ADGRF1: variants seen among roughly 807,000 people sequenced by gnomAD.
ADGRF1 encodes the protein G protein-coupled receptor 110.
Under a neutral mutation model 87.2 loss-of-function variants are expected in ADGRF1, and 85 were observed. The ratio of observed to expected loss-of-function variants is 0.97; its 90% confidence interval spans 0.82 to 1.17. The LOEUF (loss-of-function observed/expected upper bound fraction) is 1.17, where lower values mean the gene tolerates loss of function less well. Ranked by LOEUF, ADGRF1 falls within the 50% of genes most tolerant of loss-of-function variation. The pLI, the probability that ADGRF1 is intolerant of heterozygous loss-of-function variation, is 0.00. For missense variants in ADGRF1, 1,169 were observed against 1,077.2 expected (o/e 1.09, Z -1.19); for synonymous variants, 430 against 408.8 (o/e 1.05, Z -0.63).
Position 47,029,027 on chromosome 6 carries a change from A to G in ADGRF1, c.35T>C (p.Phe12Ser). Residue 12 changes from phenylalanine (F) to serine (S), a missense_variant, in exon 2 of 15, where the codon TTC (phenylalanine) becomes TCC (serine). Phe to Ser is a radical substitution (Grantham distance 155). Coordinates refer to ENST00000371253, the MANE Select transcript of ADGRF1 (RefSeq NM_153840.4). The part of the protein sequence containing the change: ...KVGVLWLISF[F>S]TFTDGHGGFL... Reference sequence around the variant, plus strand: ...GCCACCGTGGCCGTCAGTGAAGGTGAAGAAAGAAATGAGCCACAGCACTCC... The same window carrying G: ...GCCACCGTGGCCGTCAGTGAAGGTGGAGAAAGAAATGAGCCACAGCACTCC... 2 of 1,614,172 alleles carry G rather than the reference A, an allele frequency of 1.2e-6. No individual in the cohort carries two copies. The highest frequency in any genetic ancestry group is 2.2e-5 in the East Asian group (1 of 44,884).
intron 13 of ADGRF1, among the ~76,000 whole-genome samples, chr6:47,002,943 T>G (rs1002528248): frequency 5.3e-5 from 8 of 152,144 alleles, no homozygotes; most frequent in Non-Finnish European, 1.0e-4. Context: ...GATCCCTACT[T>G]TACTCCTCCT....
At chr6:47,030,305 T>A (rs892500827) in intron 1 of ADGRF1, among the ~76,000 whole-genome samples, 33 of 152,186 alleles carry the variant, frequency 2.2e-4, no homozygotes, top group Non-Finnish European at 3.8e-4. Context: ...ATTTACCTTT[T>A]CCTTTCGGAT....
intron 5 of ADGRF1, among the ~76,000 whole-genome samples, chr6:47,023,125 A>T (rs1780116766): frequency 6.6e-6 from 1 of 152,210 alleles, no homozygotes; most frequent in South Asian, 2.1e-4. Flanking sequence ...TTCAAAACAT[A>T]GGCTTTCATC....
At chr6:47,004,100 G>A (rs1314997872) in intron 13 of ADGRF1, among the ~76,000 whole-genome samples, 1 of 151,982 alleles carries the variant, frequency 6.6e-6, no homozygotes, top group African/African-American at 2.4e-5. Flanking sequence ...ATATGAACTT[G>A]TCACATCCTG....
chr6:47,037,883 C>T (rs143069787), intron 1 of ADGRF1, among the ~76,000 whole-genome samples: 12 of 152,210 alleles, frequency 7.9e-5, no homozygotes, highest in East Asian at 1.9e-4. Flanking sequence ...TGTTTTGAGA[C>T]GGAGTCACGC....
chr6:47,037,025 C>A (rs1009759001), intron 1 of ADGRF1, among the ~76,000 whole-genome samples: 1 of 152,178 alleles, frequency 6.6e-6, no homozygotes, highest in Non-Finnish European at 1.5e-5. Flanking sequence ...AAGGAAAGTG[C>A]TGCTTCAAAA....
At position 47,009,130 on chromosome 6, in the gene ADGRF1, G is replaced by A. The variant is rs1459731704; in HGVS notation, c.2305C>T (p.Leu769Phe). 1.2e-6 allele frequency: 2 copies of A among 1,614,148 alleles called. No homozygotes were observed. The highest frequency in any genetic ancestry group is 1.1e-5 in the South Asian group (1 of 91,080). Residue 769 changes from leucine to phenylalanine, a missense_variant, in exon 11 of 15, where the codon CTC becomes TTC. Transcript: ENST00000371253. ...CTTTCCCCAACAGTCGGCCTCCAGAGCTTTGTGAGAACTAGCAGCACCACA... is the reference window on the plus strand; with the variant it reads ...CTTTCCCCAACAGTCGGCCTCCAGAACTTTGTGAGAACTAGCAGCACCACA... ...FVVVLLVLTK[L>F]WRPTVGERLS... is the part of the protein sequence containing the mutation.
Position 47,012,044 on chromosome 6 carries a change from A to G in ADGRF1, c.1079T>C (p.Leu360Pro), listed in dbSNP as rs1779723175. 6.2e-7 allele frequency: 1 copy of G among 1,613,930 alleles called. No homozygotes were observed. Among genetic ancestry groups the G allele is most frequent in the Admixed American group, 1.7e-5 (1 of 59,996 alleles). ...SILSNISSLS[L>P]ASHFRVSNST... is the part of the protein sequence containing the mutation. ...ATTGGACACCCTGAAATGGCTGGCC[A>G]GTGACAGAGATGAAATATTGCTCAG... is the stretch of plus-strand genomic sequence containing the variant. Residue 360 changes from leucine to proline, a missense_variant, in exon 10 of 15, where the codon CTG becomes CCG. Transcript: ENST00000371253.
Position 47,009,874 on chromosome 6 carries a change from A to T in ADGRF1, c.1561T>A (p.Phe521Ile), listed in dbSNP as rs1353871516. Residue 521 changes from phenylalanine to isoleucine, a missense_variant, in exon 11 of 15, where the codon TTT (phenylalanine) becomes ATT (isoleucine). Transcript: ENST00000371253. The part of the protein sequence containing the change: ...QNYSINEVFL[F>I]FSKIESNLSQ... ...AGGTTTGACTCTATCTTGGAAAAAAATAGGAAAACTTCATTTATGGAATAG... is the reference window on the plus strand; with the variant it reads ...AGGTTTGACTCTATCTTGGAAAAAATTAGGAAAACTTCATTTATGGAATAG... The T allele has an allele frequency of 6.2e-7, 1 of 1,614,048 alleles. No individual in the cohort carries two copies.
At chr6:47,006,905 T>A (rs1366963204) in intron 12 of ADGRF1, among the ~76,000 whole-genome samples, 1 of 152,178 alleles carries the variant, frequency 6.6e-6, no homozygotes. Context: ...AATAAATGGG[T>A]AGAATAATTG....
rs1780214935 is a variant in ADGRF1 at position 47,025,872 on chromosome 6, T to C, written c.259A>G (p.Arg87Gly). 4 of 1,604,502 alleles carry C rather than the reference T, an allele frequency of 2.5e-6. No individual in the cohort carries two copies. The South Asian group carries it at 4.5e-5, about 18-fold the overall frequency. The change falls in exon 4 of 15, where the codon AGA becomes GGA. Residue 87 changes from arginine (R) to glycine (G), a missense_variant. Arg to Gly is a moderately radical substitution (Grantham distance 125). Transcript: ENST00000371253. The part of the protein sequence containing the change: ...LWSHGLIRII[R>G]AKATTDCNSL... ...ACCTTACCTGTGGTAGCCTTTGCTC[T>C]GATAATTCTAATTAGCCCATGTGAC... is the stretch of plus-strand genomic sequence containing the variant.
chr6:47,031,752 T>A (rs1444929923), intron 1 of ADGRF1, among the ~76,000 whole-genome samples: 1 of 152,124 alleles, frequency 6.6e-6, no homozygotes, highest in Non-Finnish European at 1.5e-5. Flanking sequence ...TCGAGACATG[T>A]TCTTGCTCTG....
At chr6:47,016,337 T>C (rs1411212399) in intron 8 of ADGRF1, among the ~76,000 whole-genome samples, 2 of 152,186 alleles carry the variant, frequency 1.3e-5, no homozygotes, top group African/African-American at 2.4e-5. Context: ...CAGTCAACTA[T>C]TGCTGAGCCC....
chr6:47,007,247 A>G lies in ADGRF1; in HGVS notation c.2532+6T>C. 1 of 1,546,880 alleles carries G rather than the reference A, an allele frequency of 6.5e-7. No individual in the cohort carries two copies. The highest frequency in any genetic ancestry group is 8.9e-7 in the Non-Finnish European group (1 of 1,122,372). On this transcript the variant is annotated splice_donor_region_variant and intron_variant, in intron 12 of 14. Coordinates refer to ENST00000371253, the MANE Select transcript of ADGRF1 (RefSeq NM_153840.4). ...AGGGGTTAATGAGAGAAATAAATAC[A>G]CATACCTTACTGTCCAAGAGTATTC...
chr6:47,003,102 C>A lies in ADGRF1; in HGVS notation c.2593-1535G>T, dbSNP rs563333941. Among the ~76,000 whole-genome samples the A allele has an allele frequency of 4.7e-5, 7 of 150,492 alleles. No homozygotes were observed. The East Asian group carries it at 1.4e-3, about 30-fold the overall frequency. On this transcript the variant is annotated intron_variant, in intron 13 of 14. Coordinates refer to ENST00000371253, the MANE Select transcript of ADGRF1 (RefSeq NM_153840.4). ...CAACTGAATGGATCCCCCCTCTCAG[C>A]CAAGGAGATTTCAAAGAAACCTGAA...
In ADGRF1 at chr6:47,028,332, T is replaced by C. The variant is rs150581758; in HGVS notation, c.70-571A>G. ...TGGATATATTTTAAAGGTAAAGCTT[T>C]AAAAGTAATGCCAGTGGTTTAGATA... On this transcript the variant is annotated intron_variant, in intron 2 of 14. Transcript: ENST00000371253. 1.2e-3 allele frequency among the ~76,000 whole-genome samples: 184 copies of C among 152,290 alleles called. 4 individuals carry two copies. The East Asian group carries it at 0.029, about 24-fold the overall frequency.
chr6:47,027,199 T>C (rs1780261197), intron 3 of ADGRF1, among the ~76,000 whole-genome samples: 1 of 152,236 alleles, frequency 6.6e-6, no homozygotes, highest in Admixed American at 6.5e-5. Flanking sequence ...AATTTTGATT[T>C]CATTTTCCCA....
intron 1 of ADGRF1, among the ~76,000 whole-genome samples, chr6:47,034,156 C>T (rs1488767877): frequency 6.6e-6 from 1 of 152,168 alleles, no homozygotes; most frequent in South Asian, 2.1e-4. Flanking sequence ...TCTGTGGGCT[C>T]GGTTTCCTCC....
At chr6:47,031,977 G>T (rs1009912438) in intron 1 of ADGRF1, among the ~76,000 whole-genome samples, 4 of 152,034 alleles carry the variant, frequency 2.6e-5, no homozygotes, top group African/African-American at 9.7e-5. Context: ...TCCAAAGTGG[G>T]ACTACAGGCA....
Sources: gnomAD v4.1 joint callset for allele counts (sites outside exome capture counted in the v4.1 genomes callset) on GRCh38, gnomAD v4.1.1 for gene constraint, MANE v1.5 for transcripts, NCBI Gene and HGNC (gene_info 2026-07-23, HGNC 2026-07-21) for gene names.